Variants in PLGRKT observed in about 807,000 individuals in gnomAD.
The protein encoded by PLGRKT is plasminogen receptor (KT).
In PLGRKT, 22 loss-of-function variants were observed where a neutral mutation model predicts 18.5. The observed-to-expected ratio is 1.19, with a 90% CI of 0.85 to 1.70. The LOEUF is 1.70. PLGRKT is among the 40% of genes most tolerant of loss of function. The pLI, the probability that PLGRKT is intolerant of heterozygous loss-of-function variation, is 0.00. For synonymous variants in PLGRKT, 72 were observed against 52.8 expected, an observed-to-expected ratio of 1.36 and a Z score of -1.58; for missense variants, 235 against 174.4, an observed-to-expected ratio of 1.35 and a Z score of -1.96.
In PLGRKT at chr9:5,418,587, A is replaced by G. The variant is rs1818510182; in HGVS notation, c.81+13310T>C. On this transcript the variant is annotated intron_variant, in intron 3 of 5. Transcript: ENST00000223864. This position sits in a 1 kb window ranked among gnomAD's most constrained non-coding sequence, Gnocchi z 4.2. The stretch of plus-strand genomic sequence containing the variant: ...GCTGTCCAGCAGGGATGGTCACCAC[A>G]GTGACGGACTTCTGCCGGTTCCTGG... 4 of 754,958 alleles carry G rather than the reference A, an allele frequency of 5.3e-6. No homozygotes were observed. Among genetic ancestry groups the G allele is most frequent in the Non-Finnish European group, 9.8e-6 (4 of 410,238 alleles). The allele number at this position is 754,958 out of a possible 1,614,324, so 46.8% of individuals were successfully genotyped here.
At chr9:5,420,885 A>G (rs1259973572) in intron 3 of PLGRKT, among the ~76,000 whole-genome samples, 1 of 152,238 alleles carries the variant, frequency 6.6e-6, no homozygotes, top group African/African-American at 2.4e-5. Context: ...GATGGGGGGC[A>G]CAAGTGTGAC....
intron 3 of PLGRKT, among the ~76,000 whole-genome samples, chr9:5,371,930 G>A (rs1425313178): frequency 6.7e-6 from 1 of 148,592 alleles, no homozygotes; most frequent in Non-Finnish European, 1.5e-5. Context: ...ATAATAATTA[G>A]GATACCTAAG....
At chr9:5,361,996 T>A in intron 3 of PLGRKT, 108 bp from the exon 4 acceptor site, 2 of 1,104,104 alleles carry the variant, frequency 1.8e-6, no homozygotes, top group Non-Finnish European at 2.6e-6. Context: ...CTTTAATTCA[T>A]GTTTTTTCAA....
At chr9:5,436,354 A>G (rs963595935) in intron 2 of PLGRKT, among the ~76,000 whole-genome samples, 1 of 152,206 alleles carries the variant, frequency 6.6e-6, no homozygotes, top group Non-Finnish European at 1.5e-5. Context: ...TGAACATAGG[A>G]GTGGATGACT....
Position 5,418,838 on chromosome 9 carries a change from C to A in PLGRKT, c.81+13059G>T. 8 of 1,058,270 alleles carry A rather than the reference C, an allele frequency of 7.6e-6. No individual in the cohort carries two copies. The allele number at this position is 1,058,270 out of a possible 1,614,324, so 65.6% of individuals were successfully genotyped here. A position where few individuals can be genotyped will look rare whatever the true frequency, so the allele number is the denominator to read the frequency against. On this transcript the variant is annotated intron_variant, in intron 3 of 5. Transcript: ENST00000223864. The surrounding 1 kb of genome is among the most constrained non-coding windows in gnomAD (Gnocchi z 4.2). Reference sequence around the variant, plus strand: ...CCGCTGCACCAGGGGCATCGCACATCCTTCTGGCTGGTCCTCGTCTGCTGG... The same window carrying A: ...CCGCTGCACCAGGGGCATCGCACATACTTCTGGCTGGTCCTCGTCTGCTGG...
At chr9:5,378,318 T>G (rs992238149) in intron 3 of PLGRKT, among the ~76,000 whole-genome samples, 2 of 152,210 alleles carry the variant, frequency 1.3e-5, no homozygotes, top group African/African-American at 4.8e-5. Context: ...GATGTATCTC[T>G]GAAGGGAGAC....
At position 5,391,214 on chromosome 9, in the gene PLGRKT, T is replaced by C. The variant is rs578177193; in HGVS notation, c.82-29326A>G. ...TGAGGCAACTTTATATGATGCGATA[T>C]GGTTTTGATTTGTGCTAAGTCAAAA... is the stretch of plus-strand genomic sequence containing the variant. On this transcript the variant is annotated intron_variant, in intron 3 of 5. Coordinates refer to ENST00000223864, the MANE Select transcript of PLGRKT (RefSeq NM_018465.4). 3.3e-3 allele frequency among the ~76,000 whole-genome samples: 499 copies of C among 152,108 alleles called. 5 individuals are homozygous for C. Among genetic ancestry groups the C allele is most frequent in the Non-Finnish European group, 6.0e-3 (407 of 68,024 alleles).
chr9:5,371,378 G>A (rs1428248661), intron 3 of PLGRKT, among the ~76,000 whole-genome samples: 1 of 152,154 alleles, frequency 6.6e-6, no homozygotes, highest in African/African-American at 2.4e-5. Flanking sequence ...CATGTTGTGG[G>A]AGGGAACCAG....
At chr9:5,415,521 TC>T (rs1416788092) in intron 3 of PLGRKT, among the ~76,000 whole-genome samples, 1 of 152,052 alleles carries the variant, frequency 6.6e-6, no homozygotes, top group Non-Finnish European at 1.5e-5. Context: ...TCTCAAAGTA[TC>T]TCCTCAAAGA....
chr9:5,435,321 TA>T (rs61099125), intron 2 of PLGRKT, among the ~76,000 whole-genome samples: 390 of 127,728 alleles, frequency 3.1e-3, no homozygotes, highest in Non-Finnish European at 4.5e-3. Context: ...CAATAAATAC[TA>T]AAAAAAAAAA....
At chr9:5,360,631 G>A (rs1268634532) in intron 5 of PLGRKT, among the ~76,000 whole-genome samples, 1 of 151,972 alleles carries the variant, frequency 6.6e-6, no homozygotes, top group African/African-American at 2.4e-5. Context: ...CACTGAAACT[G>A]GACTGTAGCT....
intron 3 of PLGRKT, among the ~76,000 whole-genome samples, chr9:5,366,609 G>C (rs1346902637): frequency 6.6e-6 from 1 of 152,090 alleles, no homozygotes; most frequent in Non-Finnish European, 1.5e-5. Context: ...AATAATAAGA[G>C]CCATCTATGA....
rs1375684049 is a variant in PLGRKT at position 5,358,009 on chromosome 9, G to A, written c.*230C>T. ...AAACAATTTATTAATTTTACACTTA[G>A]ATATTGGTAATGCACACAGAGAGAG... is the stretch of plus-strand genomic sequence containing the variant. On this transcript the variant is annotated 3_prime_UTR_variant, in exon 6 of 6. Transcript: ENST00000223864. The A allele has an allele frequency of 8.8e-6, 3 of 342,026 alleles. No homozygotes were observed. Among genetic ancestry groups the A allele is most frequent in the Non-Finnish European group, 1.6e-5 (3 of 190,230 alleles). 21.2% of individuals were successfully genotyped at this position (342,026 alleles called of 1,614,324 possible).
At chr9:5,365,285 T>A (rs1171612658) in intron 3 of PLGRKT, among the ~76,000 whole-genome samples, 3 of 152,140 alleles carry the variant, frequency 2.0e-5, no homozygotes, top group South Asian at 2.1e-4. Flanking sequence ...CAGGGGTCAA[T>A]CTGAAAGAGC....
intron 3 of PLGRKT, among the ~76,000 whole-genome samples, chr9:5,423,869 A>ATATATCTGTATAATATATAT (rs1818623684): frequency 6.9e-6 from 1 of 144,124 alleles, no homozygotes; most frequent in Non-Finnish European, 1.5e-5. Context: ...TGCCCAGCTA[A>ATATATCTGTATAATATATAT]TATATATGTA....
At chr9:5,429,844 G>A (rs1444017192) in intron 3 of PLGRKT, among the ~76,000 whole-genome samples, 1 of 152,142 alleles carries the variant, frequency 6.6e-6, no homozygotes, top group Non-Finnish European at 1.5e-5. Context: ...GTCTGCTGCT[G>A]AGCTCTTGTT....
chr9:5,410,496 C>G (rs535917526), intron 3 of PLGRKT, among the ~76,000 whole-genome samples: 71 of 86,480 alleles, frequency 8.2e-4, no homozygotes, highest in African/African-American at 4.1e-3. Context: ...AAGACTCTGT[C>G]TCAAAAAAAA....
intron 3 of PLGRKT, among the ~76,000 whole-genome samples, chr9:5,417,958 C>A (rs1466026295): frequency 6.6e-6 from 1 of 152,196 alleles, no homozygotes; most frequent in Non-Finnish European, 1.5e-5. Flanking sequence ...CAAGGATTTG[C>A]AGGTTTAATT....
At chr9:5,435,044 G>C (rs1158994588) in intron 2 of PLGRKT, among the ~76,000 whole-genome samples, 1 of 151,852 alleles carries the variant, frequency 6.6e-6, no homozygotes, top group Non-Finnish European at 1.5e-5. Context: ...TCTGAAACAT[G>C]TGCTGTGTCA....
Sources: allele counts gnomAD v4.1 joint callset (sites outside exome capture counted in the v4.1 genomes callset), GRCh38; gene constraint gnomAD v4.1.1; non-coding constraint Gnocchi (gnomAD v3.1); transcripts MANE v1.5; gene names NCBI Gene and HGNC (gene_info 2026-07-23, HGNC 2026-07-21).